Variants in WDR25 observed in about 807,000 individuals in gnomAD.
WDR25 encodes the protein WD repeat domain 25, also known as WD repeat-containing protein 25.
Under a neutral mutation model 47.7 loss-of-function variants are expected in WDR25, and 35 were observed. The ratio of observed to expected loss-of-function variants is 0.73; its 90% CI spans 0.56 to 0.97. The LOEUF is 0.97. Ranked by LOEUF, WDR25 falls within the 50% of genes least tolerant of loss-of-function variation. The pLI is 0.00. For missense variants in WDR25, 634 were observed against 704.7 expected (o/e 0.90, Z 1.14); for synonymous variants, 248 against 278.9 (o/e 0.89, Z 1.10).
rs1478555017 is a variant in WDR25, at chr14:100,425,646, G to T, written c.823-42375G>T. Among the ~76,000 whole-genome samples the T allele has an allele frequency of 6.6e-6, 1 of 152,198 alleles. No individual in the cohort carries two copies. The highest frequency in any genetic ancestry group is 1.5e-5 in the Non-Finnish European group (1 of 68,034). On this transcript the variant is annotated intron_variant, in intron 2 of 6. Coordinates refer to ENST00000402312, the MANE Select transcript of WDR25 (RefSeq NM_001161476.3). The surrounding 1 kb of genome is among the most constrained non-coding windows in gnomAD (Gnocchi z 4.8). ...GGGGCTGGGCCCTGTGCTGACACAG[G>T]CTCAGCAGGCTGTTAATGAGGTCCT...
intron 5 of WDR25, among the ~76,000 whole-genome samples, chr14:100,528,737 T>C (rs1413717426): frequency 6.6e-6 from 1 of 152,188 alleles, no homozygotes; most frequent in African/African-American, 2.4e-5. Context: ...TGGGGGGCAT[T>C]TTCCTGCCTG....
In WDR25 at chr14:100,430,858, C is replaced by T. The variant is rs1898311716; in HGVS notation, c.823-37163C>T. ...GGCCTAAGAGGTGCCCACTCCCCTC[C>T]TTGTGGGTCATTTCATCCACCAACT... On this transcript the variant is annotated intron_variant, in intron 2 of 6. Coordinates refer to ENST00000402312, the MANE Select transcript of WDR25 (RefSeq NM_001161476.3). This position sits in a 1 kb window ranked among gnomAD's most constrained non-coding sequence, Gnocchi z 4.7. Among the ~76,000 whole-genome samples, 1 of 152,210 alleles carries T rather than the reference C, an allele frequency of 6.6e-6. No individual in the cohort carries two copies. Among genetic ancestry groups the T allele is most frequent in the African/African-American group, 2.4e-5 (1 of 41,458 alleles).
chr14:100,483,938 T>C (rs901963533), intron 3 of WDR25, 56 bp from the exon 4 acceptor site: 2 of 1,554,758 alleles, frequency 1.3e-6, no homozygotes, highest in African/African-American at 2.8e-5. Context: ...AGTTTTAAGA[T>C]ATTTGTTTTG....
At chr14:100,487,468 G>A (rs1410392790) in intron 4 of WDR25, 1 of 152,218 alleles carries the variant, frequency 6.6e-6, no homozygotes, top group Non-Finnish European at 1.5e-5. Flanking sequence ...CAGTAGCAGA[G>A]TGGACTCATT....
chr14:100,381,869 T>A, intron 2 of WDR25, 123 bp downstream of exon 2: 1 of 816,660 alleles, frequency 1.2e-6, no homozygotes, highest in Non-Finnish European at 1.9e-6. Context: ...TGTAATTCCC[T>A]TTGTTGCATT....
intron 2 of WDR25, among the ~76,000 whole-genome samples, chr14:100,438,200 G>T (rs1402676115): frequency 6.6e-6 from 1 of 152,190 alleles, no homozygotes; most frequent in African/African-American, 2.4e-5. Context: ...AGACAGGCAC[G>T]TAGTGAAATA....
chr14:100,385,801 G>A (rs959703811), intron 2 of WDR25, among the ~76,000 whole-genome samples: 1 of 152,010 alleles, frequency 6.6e-6, no homozygotes, highest in South Asian at 2.1e-4. Context: ...TTGGCTTAAC[G>A]TGTTTGAACA....
At position 100,530,088 on chromosome 14, in the gene WDR25, C is replaced by T; in HGVS notation, c.*47C>T. ...CCGATGCCAGCTGGGCTCTTGGACT[C>T]CCCTCTTCCTCAAGGGTAGATGAGA... is the stretch of plus-strand genomic sequence containing the variant. On this transcript the variant is annotated 3_prime_UTR_variant, in exon 7 of 7. Transcript: ENST00000402312. The T allele has an allele frequency of 1.3e-6, 2 of 1,563,318 alleles. No homozygotes were observed. The highest frequency in any genetic ancestry group is 1.7e-6 in the Non-Finnish European group (2 of 1,149,232).
chr14:100,471,498 G>C (rs1367857440), intron 3 of WDR25, among the ~76,000 whole-genome samples: 3 of 152,208 alleles, frequency 2.0e-5, no homozygotes, highest in Non-Finnish European at 4.4e-5. Context: ...GCTTTGACTT[G>C]TCTTGTCCTT....
chr14:100,457,170 G>A (rs1566918870), intron 2 of WDR25, among the ~76,000 whole-genome samples: 1 of 152,158 alleles, frequency 6.6e-6, no homozygotes, highest in Non-Finnish European at 1.5e-5. Flanking sequence ...GGCCAGGCTG[G>A]TCTCGAACCT....
rs781070959 is a variant in WDR25 at position 100,468,152 on chromosome 14, A to T, written c.954A>T (p.Leu318=). 72 of 1,612,778 alleles carry T rather than the reference A, an allele frequency of 4.5e-5. No individual in the cohort carries two copies. The highest frequency in any genetic ancestry group is 6.0e-5 in the Non-Finnish European group (71 of 1,179,760). ...LSGGFDFALH[L]TDLETGTQLF... Reference sequence around the variant, plus strand: ...GTGGCTTTGACTTCGCGCTGCACCTAACAGACCTTGAAACAGGTGCGTTTC... The same window carrying T: ...GTGGCTTTGACTTCGCGCTGCACCTTACAGACCTTGAAACAGGTGCGTTTC... The change falls in exon 3 of 7, where the codon CTA becomes CTT. Residue 318 remains leucine (L), a synonymous_variant. Coordinates refer to ENST00000402312, the MANE Select transcript of WDR25 (RefSeq NM_001161476.3). The surrounding 1 kb of genome is among the most constrained non-coding windows in gnomAD (Gnocchi z 4.5).
chr14:100,525,867 C>A lies in WDR25; in HGVS notation c.1102-3C>A, dbSNP rs748297436. ...CCAGCATGACCGGTGTCCGCTCTTGCAGGTGATGAGAAGCTACAAGGCGAC... is the reference window on the plus strand; with the variant it reads ...CCAGCATGACCGGTGTCCGCTCTTGAAGGTGATGAGAAGCTACAAGGCGAC... On this transcript the variant is annotated splice_region_variant and splice_polypyrimidine_tract_variant and intron_variant, in intron 4 of 6. Transcript: ENST00000402312. This position sits in a 1 kb window ranked among gnomAD's most constrained non-coding sequence, Gnocchi z 4.6. The A allele has an allele frequency of 1.2e-6, 2 of 1,613,358 alleles. No homozygotes were observed. Among genetic ancestry groups the A allele is most frequent in the South Asian group, 2.2e-5 (2 of 91,056 alleles).
rs1285779866 is a variant in WDR25 at position 100,468,000 on chromosome 14, GCTGT to G, written c.823-16_823-13del. On this transcript the variant is annotated splice_polypyrimidine_tract_variant and intron_variant, in intron 2 of 6. Transcript: ENST00000402312. ...TCAGGCCCTTGTTGTGACACCTGGT[GCTGT>G]CTGTGTTTGCCTGCAGGTATGGAAC... is the stretch of plus-strand genomic sequence containing the variant. 1 of 1,611,622 alleles carries G rather than the reference GCTGT, an allele frequency of 6.2e-7. No individual in the cohort carries two copies. Among genetic ancestry groups the G allele is most frequent in the East Asian group, 2.2e-5 (1 of 44,860 alleles).
chr14:100,473,167 C>A (rs1281490365), intron 3 of WDR25, among the ~76,000 whole-genome samples: 2 of 152,200 alleles, frequency 1.3e-5, no homozygotes, highest in Non-Finnish European at 1.5e-5. Context: ...GGGCTGGGCC[C>A]TGGGCTATGT....
intron 4 of WDR25, among the ~76,000 whole-genome samples, chr14:100,491,419 C>T (rs1048197496): frequency 3.3e-5 from 5 of 152,220 alleles, no homozygotes; most frequent in Non-Finnish European, 7.3e-5. Context: ...CAATGTCAGA[C>T]CATATATAGG....
rs775833321 is a variant in WDR25, at chr14:100,449,966, A to C, written c.823-18055A>C. 5.9e-5 allele frequency among the ~76,000 whole-genome samples: 9 copies of C among 152,062 alleles called. No homozygotes were observed. Among genetic ancestry groups the C allele is most frequent in the Non-Finnish European group, 1.3e-4 (9 of 68,012 alleles). ...TGTAAGTCCCAGTGATTCTTCTCTAAACTGGGCATTCAGTGCGTCCACAGT... is the reference window on the plus strand; with the variant it reads ...TGTAAGTCCCAGTGATTCTTCTCTACACTGGGCATTCAGTGCGTCCACAGT... On this transcript the variant is annotated intron_variant, in intron 2 of 6. Coordinates refer to ENST00000402312, the MANE Select transcript of WDR25 (RefSeq NM_001161476.3). This position sits in a 1 kb window ranked among gnomAD's most constrained non-coding sequence, Gnocchi z 4.2.
chr14:100,478,109 A>G (rs1439290069), intron 3 of WDR25, among the ~76,000 whole-genome samples: 2 of 88,184 alleles, frequency 2.3e-5, no homozygotes, highest in African/African-American at 9.5e-5. Context: ...AAAACAAAAC[A>G]AAACAAAAAC....
intron 4 of WDR25, among the ~76,000 whole-genome samples, chr14:100,524,250 C>A (rs982579443): frequency 6.6e-6 from 1 of 152,050 alleles, no homozygotes; most frequent in Non-Finnish European, 1.5e-5. Flanking sequence ...TCATGCCCAC[C>A]GAGAGAAGCT....
chr14:100,502,489 G>A lies in WDR25; in HGVS notation c.1101+18365G>A, dbSNP rs546872216. 2.6e-5 allele frequency among the ~76,000 whole-genome samples: 4 copies of A among 152,312 alleles called. No individual in the cohort carries two copies. The South Asian group carries it at 8.3e-4, about 32-fold the overall frequency. Reference sequence around the variant, plus strand: ...AGTCAGCTCCCTCTCCTGGAGCTGGGGGAGCTGGGGGACCCAAGACACTCA... The same window carrying A: ...AGTCAGCTCCCTCTCCTGGAGCTGGAGGAGCTGGGGGACCCAAGACACTCA... On this transcript the variant is annotated intron_variant, in intron 4 of 6. Coordinates refer to ENST00000402312, the MANE Select transcript of WDR25 (RefSeq NM_001161476.3). The surrounding 1 kb of genome is among the most constrained non-coding windows in gnomAD (Gnocchi z 4.5).
Sources: allele counts gnomAD v4.1 joint callset (sites outside exome capture counted in the v4.1 genomes callset), GRCh38; gene constraint gnomAD v4.1.1; non-coding constraint Gnocchi (gnomAD v3.1); transcripts MANE v1.5; gene names NCBI Gene and HGNC (gene_info 2026-07-23, HGNC 2026-07-21).